EFCAB5: variants seen among roughly 807,000 people sequenced by gnomAD.
The protein encoded by EFCAB5 is EF-hand calcium-binding domain-containing protein 5.
EFCAB5 carries 131 observed loss-of-function variants against 167.9 expected under a neutral mutation model. The ratio of observed to expected loss-of-function variants is 0.78; its 90% CI spans 0.68 to 0.90. EFCAB5 has a LOEUF of 0.90. EFCAB5 is among the 40% of genes least tolerant of loss of function. EFCAB5 has a pLI of 0.00. For missense variants in EFCAB5, 1,663 were observed against 1,745.2 expected, an observed-to-expected ratio of 0.95 and a Z score of 0.84; for synonymous variants, 574 against 602.8, an observed-to-expected ratio of 0.95 and a Z score of 0.70.
chr17:30,092,068 G>C lies in EFCAB5; in HGVS notation c.4135G>C (p.Val1379Leu). 1 of 1,613,986 alleles carries C rather than the reference G, an allele frequency of 6.2e-7. No individual in the cohort carries two copies. Among genetic ancestry groups the C allele is most frequent in the Non-Finnish European group, 8.5e-7 (1 of 1,179,872 alleles). The change falls in exon 21 of 23, where the codon GTG becomes CTG. Residue 1379 changes from valine to leucine, a missense_variant. Transcript: ENST00000394835. ...GGAGTTGGAAGCCAACGTGAAACTA[G>C]TGCGTGACATCCTGAAGGCGGTTAT... ...SMELEANVKL[V>L]RDILKAVILF... is the part of the protein sequence containing the mutation.
intron 22 of EFCAB5, among the ~76,000 whole-genome samples, chr17:30,105,370 C>T (rs1434497362): frequency 6.6e-6 from 1 of 152,054 alleles, no homozygotes; most frequent in Non-Finnish European, 1.5e-5. Context: ...GTCTGTAATC[C>T]CAGCTACTTG....
At chr17:29,953,771 T>C (rs2067557946) in intron 3 of EFCAB5, among the ~76,000 whole-genome samples, 1 of 152,012 alleles carries the variant, frequency 6.6e-6, no homozygotes, top group Non-Finnish European at 1.5e-5. Context: ...CAAGAAGAGG[T>C]TGGAACAGTT....
Position 30,083,060 on chromosome 17 carries a change from A to T in EFCAB5, c.3579+17A>T. 1 of 1,612,574 alleles carries T rather than the reference A, an allele frequency of 6.2e-7. No individual in the cohort carries two copies. On this transcript the variant is annotated intron_variant, in intron 18 of 22. Coordinates refer to ENST00000394835, the MANE Select transcript of EFCAB5 (RefSeq NM_198529.4). ...CCAGCCCAGGTAGGCAAGGCTCAGT[A>T]GTGGTAGATCTCTCCAAGGTAGCCG...
At chr17:30,044,359 G>A (rs2069858542) in intron 8 of EFCAB5, among the ~76,000 whole-genome samples, 1 of 152,096 alleles carries the variant, frequency 6.6e-6, no homozygotes, top group African/African-American at 2.4e-5. Flanking sequence ...GGGCAGATCA[G>A]TTCAGGCTGG....
At chr17:29,939,790 A>G (rs1462987443), upstream of EFCAB5, among the ~76,000 whole-genome samples, 3 of 152,234 alleles carry the variant, frequency 2.0e-5, no homozygotes. Context: ...CTTTGGCTTA[A>G]GGGAATGTTG....
chr17:30,089,297 A>G (rs2071149380), intron 19 of EFCAB5, among the ~76,000 whole-genome samples: 1 of 152,170 alleles, frequency 6.6e-6, no homozygotes, highest in Admixed American at 6.5e-5. Context: ...CATTATTACT[A>G]TGGCACTCAT....
intron 4 of EFCAB5, among the ~76,000 whole-genome samples, chr17:29,977,695 A>G (rs775463740): frequency 2.6e-5 from 4 of 152,220 alleles, no homozygotes; most frequent in Non-Finnish European, 5.9e-5. Context: ...AAAGAGAGAG[A>G]AACACAAAGA....
chr17:30,090,623 T>C lies in EFCAB5; in HGVS notation c.3886T>C (p.Tyr1296His). 2 of 1,613,952 alleles carry C rather than the reference T, an allele frequency of 1.2e-6. No homozygotes were observed. The highest frequency in any genetic ancestry group is 1.7e-6 in the Non-Finnish European group (2 of 1,179,890). ...KMMKVVQVAC[Y>H]EILGEFSGEI... is the part of the protein sequence containing the mutation. ...GATGAAAGTGGTCCAAGTGGCCTGC[T>C]ATGAAATACTTGGCGAGTTCTCTGG... The change falls in exon 20 of 23, where the codon TAT becomes CAT. Residue 1296 changes from tyrosine (Y) to histidine (H), a missense_variant. Coordinates refer to ENST00000394835, the MANE Select transcript of EFCAB5 (RefSeq NM_198529.4).
intron 16 of EFCAB5, 139 bp from the exon 17 acceptor site, chr17:30,080,614 A>G: frequency 1.5e-6 from 1 of 648,330 alleles, no homozygotes; most frequent in South Asian, 2.2e-5. Context: ...AGACCTCCAA[A>G]CTGGTCATCT....
intron 1 of EFCAB5, among the ~76,000 whole-genome samples, chr17:29,933,630 T>C (rs528397799): frequency 6.6e-6 from 1 of 152,220 alleles, no homozygotes; most frequent in East Asian, 1.9e-4. Flanking sequence ...GAGGCCTGGT[T>C]GTACCACTGG....
chr17:30,106,677 A>G (rs1209609054), intron 22 of EFCAB5, among the ~76,000 whole-genome samples: 3 of 152,086 alleles, frequency 2.0e-5, no homozygotes, highest in Non-Finnish European at 2.9e-5. Context: ...GGCTGATCTC[A>G]AACTCCTGAC....
chr17:29,968,394 G>A (rs1364877904), intron 3 of EFCAB5: 6 of 444,826 alleles, frequency 1.3e-5, no homozygotes, highest in South Asian at 9.6e-5. Context: ...CTTAGAGTGG[G>A]GAGTCTGGGA....
intron 4 of EFCAB5, among the ~76,000 whole-genome samples, chr17:29,990,868 C>T (rs1003907378): frequency 3.5e-4 from 54 of 152,252 alleles, no homozygotes; most frequent in Middle Eastern, 3.4e-3. Context: ...AACTACTTTT[C>T]GCCCAGTGTC....
intron 1 of EFCAB5, among the ~76,000 whole-genome samples, chr17:29,930,917 T>G (rs760306632): frequency 2.0e-5 from 3 of 152,196 alleles, no homozygotes; most frequent in Non-Finnish European, 4.4e-5. Flanking sequence ...CTCACTTGCC[T>G]CCTGCTGTGA....
intron 22 of EFCAB5, among the ~76,000 whole-genome samples, chr17:30,100,208 T>G (rs2071362351): frequency 6.6e-6 from 1 of 152,192 alleles, no homozygotes; most frequent in African/African-American, 2.4e-5. Flanking sequence ...TAAAATTATC[T>G]CAGTGCTATC....
chr17:29,966,163 G>GT (rs1332917345), intron 3 of EFCAB5, among the ~76,000 whole-genome samples: 1 of 152,072 alleles, frequency 6.6e-6, no homozygotes, highest in East Asian at 1.9e-4. Context: ...CCACTGTCTA[G>GT]TTCCAGAAAG....
intron 4 of EFCAB5, among the ~76,000 whole-genome samples, chr17:29,971,099 G>A (rs1474100644): frequency 6.6e-6 from 1 of 151,626 alleles, no homozygotes; most frequent in Non-Finnish European, 1.5e-5. Flanking sequence ...TTTTAATGTA[G>A]GTTTTGTATC....
intron 7 of EFCAB5, among the ~76,000 whole-genome samples, chr17:30,007,526 C>T (rs765732127): frequency 6.6e-6 from 1 of 152,176 alleles, no homozygotes; most frequent in Non-Finnish European, 1.5e-5. Context: ...ATGAACCCCT[C>T]GTTCTTCCCA....
chr17:30,092,013 G>A lies in EFCAB5; in HGVS notation c.4080G>A (p.Glu1360=), dbSNP rs2071209289. The A allele has an allele frequency of 6.2e-7, 1 of 1,613,904 alleles. No homozygotes were observed. The highest frequency in any genetic ancestry group is 8.5e-7 in the Non-Finnish European group (1 of 1,179,868). The change falls in exon 21 of 23, where the codon GAG becomes GAA. Residue 1360 remains glutamate (E), a synonymous_variant. Transcript: ENST00000394835. ...LLLYDHTLVT[E]PNSPQDSKSM... is the part of the protein sequence containing the mutation. Reference sequence around the variant, plus strand: ...TCTATGACCATACTCTTGTAACAGAGCCAAATTCTCCTCAAGACAGCAAAT... The same window carrying A: ...TCTATGACCATACTCTTGTAACAGAACCAAATTCTCCTCAAGACAGCAAAT...
Sources: gnomAD v4.1 joint callset for allele counts (sites outside exome capture counted in the v4.1 genomes callset) on GRCh38, gnomAD v4.1.1 for gene constraint, MANE v1.5 for transcripts, NCBI Gene and HGNC (gene_info 2026-07-23, HGNC 2026-07-21) for gene names.